AGMO: variants seen among roughly 807,000 people sequenced by gnomAD.
AGMO encodes the protein alkylglycerol monooxygenase.
In AGMO, 75 loss-of-function variants were observed where a neutral mutation model predicts 60.2. The observed-to-expected ratio is 1.25, with a 90% CI of 1.03 to 1.51. AGMO has a LOEUF of 1.51. AGMO is among the 40% of genes most tolerant of loss of function. The pLI, the probability that AGMO is intolerant of heterozygous loss-of-function variation, is 0.00. For missense variants in AGMO, 763 were observed against 525.5 expected (o/e 1.45, Z -4.42); for synonymous variants, 261 against 177.1 (o/e 1.47, Z -3.76).
intron 4 of AGMO, among the ~76,000 whole-genome samples, chr7:15,428,076 T>C (rs767625070): frequency 8.7e-5 from 13 of 148,824 alleles, no homozygotes; most frequent in Admixed American, 3.3e-4. Flanking sequence ...CATTTATTAT[T>C]TGTCCTAAAA....
intron 12 of AGMO, among the ~76,000 whole-genome samples, chr7:15,302,782 T>C (rs1183702301): frequency 6.6e-6 from 1 of 152,152 alleles, no homozygotes; most frequent in African/African-American, 2.4e-5. Flanking sequence ...TGGAATACAG[T>C]ATGTGTTCAA....
chr7:15,392,888 T>C (rs912335551), intron 6 of AGMO, among the ~76,000 whole-genome samples: 1 of 152,190 alleles, frequency 6.6e-6, no homozygotes, highest in Non-Finnish European at 1.5e-5. Flanking sequence ...CTGCCTTAAA[T>C]GCGCTCAAAG....
intron 3 of AGMO, among the ~76,000 whole-genome samples, chr7:15,462,536 A>G (rs1394219427): frequency 6.6e-6 from 1 of 152,174 alleles, no homozygotes; most frequent in Non-Finnish European, 1.5e-5. Flanking sequence ...CTGAACTCTA[A>G]AAATAAAAGT....
At chr7:15,422,885 T>G (rs1780963891) in intron 4 of AGMO, among the ~76,000 whole-genome samples, 1 of 152,128 alleles carries the variant, frequency 6.6e-6, no homozygotes, top group Non-Finnish European at 1.5e-5. Flanking sequence ...CAGCAGAGGA[T>G]GCAGACTGTG....
intron 3 of AGMO, among the ~76,000 whole-genome samples, chr7:15,435,495 T>G (rs567978212): frequency 2.0e-5 from 3 of 152,172 alleles, no homozygotes; most frequent in African/African-American, 7.2e-5. Flanking sequence ...AATGGCTCTA[T>G]GTACCTAATC....
rs147109397 is a variant in AGMO, at chr7:15,209,312, CA to C, written c.1264-7954del. Among the ~76,000 whole-genome samples the C allele has an allele frequency of 4.1e-3, 618 of 152,160 alleles. 4 individuals are homozygous for C. The highest frequency in any genetic ancestry group is 0.014 in the African/African-American group (584 of 41,490). On this transcript the variant is annotated intron_variant, in intron 12 of 12. Coordinates refer to ENST00000342526, the MANE Select transcript of AGMO (RefSeq NM_001004320.2). ...AGAATAGCATGCAATACTGCTTATC[CA>C]GGATTTTTAGTGTGCTGTTAAACAA...
chr7:15,213,986 T>C (rs1194377787), intron 12 of AGMO, among the ~76,000 whole-genome samples: 1 of 151,990 alleles, frequency 6.6e-6, no homozygotes, highest in Non-Finnish European at 1.5e-5. Context: ...CAAACACAGA[T>C]TGGCCATTAA....
At chr7:15,544,983 A>C (rs1784737773) in intron 2 of AGMO, 60 bp from the exon 3 acceptor site, 1 of 1,218,838 alleles carries the variant, frequency 8.2e-7, no homozygotes, top group Non-Finnish European at 1.1e-6. Context: ...AATTACGCTA[A>C]AATGTTTTAG....
chr7:15,475,792 AT>A (rs1276330255), intron 3 of AGMO, among the ~76,000 whole-genome samples: 1 of 152,086 alleles, frequency 6.6e-6, no homozygotes, highest in African/African-American at 2.4e-5. Flanking sequence ...ACTAGATGTG[AT>A]TATGACCCAA....
At chr7:15,220,941 T>C (rs969921175) in intron 12 of AGMO, among the ~76,000 whole-genome samples, 5 of 152,154 alleles carry the variant, frequency 3.3e-5, no homozygotes, top group Non-Finnish European at 7.3e-5. Flanking sequence ...TCTGTGATGA[T>C]ATTCGTAAAT....
chr7:15,233,379 A>G (rs772274077), intron 12 of AGMO, among the ~76,000 whole-genome samples: 1 of 152,162 alleles, frequency 6.6e-6, no homozygotes, highest in Non-Finnish European at 1.5e-5. Context: ...TTCCTTGAAC[A>G]TATGTGTATC....
At chr7:15,384,860 C>T (rs548739816) in intron 10 of AGMO, among the ~76,000 whole-genome samples, 45 of 94,330 alleles carry the variant, frequency 4.8e-4, no homozygotes, top group Middle Eastern at 6.8e-3. Flanking sequence ...TTTTTATATA[C>T]GTTATTTTTG....
chr7:15,231,275 A>G (rs922882900), intron 12 of AGMO, among the ~76,000 whole-genome samples: 2 of 152,246 alleles, frequency 1.3e-5, no homozygotes, highest in East Asian at 1.9e-4. Context: ...TCCACTTCCA[A>G]TGTCTTTTTG....
chr7:15,290,685 T>C (rs1784237861), intron 12 of AGMO, among the ~76,000 whole-genome samples: 1 of 152,174 alleles, frequency 6.6e-6, no homozygotes, highest in Admixed American at 6.5e-5. Context: ...ATAGATAGTG[T>C]TTAGATTAGA....
chr7:15,479,262 G>C (rs1782684951), intron 3 of AGMO, among the ~76,000 whole-genome samples: 1 of 152,222 alleles, frequency 6.6e-6, no homozygotes, highest in Admixed American at 6.5e-5. Flanking sequence ...GTACAATGGG[G>C]CAGGGCCAAG....
chr7:15,352,830 G>A (rs1294267263), intron 12 of AGMO, among the ~76,000 whole-genome samples: 1 of 151,930 alleles, frequency 6.6e-6, no homozygotes, highest in Non-Finnish European at 1.5e-5. Context: ...CGCTATTAAA[G>A]ACAATGCAAA....
the AGMO span, among the ~76,000 whole-genome samples, chr7:15,185,997 C>G: frequency 6.6e-6 from 1 of 152,144 alleles, no homozygotes; most frequent in Non-Finnish European, 1.5e-5. Context: ...GGCAAGATGT[C>G]TAGTTACAAG....
chr7:15,197,026 C>G (rs1781134849), downstream of AGMO, among the ~76,000 whole-genome samples: 1 of 151,320 alleles, frequency 6.6e-6, no homozygotes. Context: ...AAAAAATGTT[C>G]TAATAATGAA....
chr7:15,307,118 A>C (rs886239232), intron 12 of AGMO, among the ~76,000 whole-genome samples: 1 of 152,040 alleles, frequency 6.6e-6, no homozygotes, highest in Non-Finnish European at 1.5e-5. Context: ...ACTAGTAATG[A>C]TGATGACATT....
Sources: gnomAD v4.1 joint callset for allele counts (sites outside exome capture counted in the v4.1 genomes callset) on GRCh38, gnomAD v4.1.1 for gene constraint, MANE v1.5 for transcripts, NCBI Gene and HGNC (gene_info 2026-07-23, HGNC 2026-07-21) for gene names.